SDK1: variants seen among roughly 807,000 people sequenced by gnomAD.
SDK1 encodes the protein protein sidekick-1.
In SDK1, 157 loss-of-function variants were observed where a neutral mutation model predicts 245.5. The ratio of observed to expected loss-of-function variants is 0.64; its 90% CI spans 0.56 to 0.73. SDK1 has a LOEUF of 0.73. Among genes scored for constraint, SDK1 ranks in the 30% least tolerant of loss-of-function variants. The probability of loss-of-function intolerance (pLI) is 0.00; values close to 1 mark genes in which losing one functional copy is unlikely to be tolerated. For synonymous variants in SDK1, 1,647 were observed against 1,278.5 expected, an observed-to-expected ratio of 1.29 and a Z score of -6.15; for missense variants, 3,583 against 3,002.3, an observed-to-expected ratio of 1.19 and a Z score of -4.52.
At position 3,710,814 on chromosome 7, in the gene SDK1, A is replaced by G. The variant is rs567535392; in HGVS notation, c.713+68709A>G. Among the ~76,000 whole-genome samples the G allele has an allele frequency of 2.6e-5, 4 of 152,338 alleles. No homozygotes were observed. The South Asian group carries it at 8.3e-4, about 32-fold the overall frequency. Reference sequence around the variant, plus strand: ...ATTCCTTCAGGATGTTTGCTTTGGCATTTGATTGTTCCTATCTTCAGATTA... The same window carrying G: ...ATTCCTTCAGGATGTTTGCTTTGGCGTTTGATTGTTCCTATCTTCAGATTA... On this transcript the variant is annotated intron_variant, in intron 4 of 44. Transcript: ENST00000404826.
intron 4 of SDK1, among the ~76,000 whole-genome samples, chr7:3,695,795 C>G (rs1389104544): frequency 2.6e-5 from 4 of 152,130 alleles, no homozygotes; most frequent in Non-Finnish European, 4.4e-5. Context: ...CTAGACGTAG[C>G]CTGTATGTGC....
At chr7:3,695,246 C>G (rs1380112131) in intron 4 of SDK1, among the ~76,000 whole-genome samples, 2 of 152,180 alleles carry the variant, frequency 1.3e-5, no homozygotes, top group Admixed American at 6.5e-5. Flanking sequence ...AATTTGCATC[C>G]TAAACACTTG....
chr7:3,749,669 C>T (rs901337134), intron 4 of SDK1, among the ~76,000 whole-genome samples: 1 of 152,174 alleles, frequency 6.6e-6, no homozygotes, highest in Non-Finnish European at 1.5e-5. Context: ...GTGACTGCTG[C>T]CCTTCAGCCT....
chr7:3,451,008 C>G (rs577600670), intron 1 of SDK1, among the ~76,000 whole-genome samples: 2 of 152,226 alleles, frequency 1.3e-5, no homozygotes, highest in Admixed American at 6.5e-5. Context: ...AGCTCATCCT[C>G]AAACCTGTCT....
chr7:3,503,224 A>T (rs1402660736), intron 1 of SDK1, among the ~76,000 whole-genome samples: 1 of 152,218 alleles, frequency 6.6e-6, no homozygotes. Flanking sequence ...GAAGAAGAAG[A>T]AGTAAGAAAT....
chr7:3,844,056 C>A (rs1400928044), intron 5 of SDK1, among the ~76,000 whole-genome samples: 1 of 152,128 alleles, frequency 6.6e-6, no homozygotes, highest in African/African-American at 2.4e-5. Context: ...CTGCAACCTC[C>A]ACCTCCCGGG....
At chr7:3,357,053 GAA>G (rs35467524) in intron 1 of SDK1, among the ~76,000 whole-genome samples, 34,210 of 79,774 alleles carry the variant, frequency 0.43, 4,749 homozygotes, top group Middle Eastern at 0.46. Flanking sequence ...AGACTCTCTC[GAA>G]AAAAAAAAAA....
At chr7:4,245,845 C>T (rs555002439) in intron 44 of SDK1, 40 bp downstream of exon 44, 14 of 1,610,882 alleles carry the variant, frequency 8.7e-6, no homozygotes, top group Admixed American at 6.7e-5. Flanking sequence ...GACCATCAGC[C>T]CCTACTTCTG....
chr7:3,922,949 C>T (rs1779644476), intron 5 of SDK1, among the ~76,000 whole-genome samples: 6 of 152,198 alleles, frequency 3.9e-5, no homozygotes. Flanking sequence ...TCATAGCTAA[C>T]TTAATCTATT....
chr7:3,310,159 C>A (rs1307285566), intron 1 of SDK1, among the ~76,000 whole-genome samples: 1 of 152,164 alleles, frequency 6.6e-6, no homozygotes, highest in African/African-American at 2.4e-5. Context: ...AAATTGCTTT[C>A]TTTTTGTGGC....
chr7:3,939,170 AT>A (rs1780267913), intron 5 of SDK1, among the ~76,000 whole-genome samples: 1 of 152,164 alleles, frequency 6.6e-6, no homozygotes, highest in Non-Finnish European at 1.5e-5. Flanking sequence ...TCTCCAGGGA[AT>A]TTTTTGGGAT....
intron 4 of SDK1, among the ~76,000 whole-genome samples, chr7:3,741,323 A>G (rs1423764213): frequency 6.6e-6 from 1 of 152,162 alleles, no homozygotes; most frequent in African/African-American, 2.4e-5. Flanking sequence ...CTAAGCAGGA[A>G]TCCCCAGCCC....
intron 5 of SDK1, among the ~76,000 whole-genome samples, chr7:3,870,019 A>G (rs1780918894): frequency 6.6e-6 from 1 of 152,220 alleles, no homozygotes; most frequent in South Asian, 2.1e-4. Context: ...GCAGTGCAAA[A>G]GGTTCTGCAT....
In SDK1 at chr7:3,745,709, C is replaced by T. The variant is rs186522658; in HGVS notation, c.714-75741C>T. Reference sequence around the variant, plus strand: ...TGCACCCCCTCCCACCTCATTGCCCCTGCCGTTTAACATTGTTTTCAAATG... The same window carrying T: ...TGCACCCCCTCCCACCTCATTGCCCTTGCCGTTTAACATTGTTTTCAAATG... On this transcript the variant is annotated intron_variant, in intron 4 of 44. Coordinates refer to ENST00000404826, the MANE Select transcript of SDK1 (RefSeq NM_152744.4). 2.2e-4 allele frequency among the ~76,000 whole-genome samples: 33 copies of T among 152,226 alleles called. No homozygotes were observed. In the East Asian group the frequency reaches 6.2e-3, roughly 28 times the overall value.
At chr7:3,376,911 C>T (rs1008659835) in intron 1 of SDK1, among the ~76,000 whole-genome samples, 5 of 151,960 alleles carry the variant, frequency 3.3e-5, no homozygotes, top group Non-Finnish European at 7.4e-5. Flanking sequence ...CTTGGACTTT[C>T]CTGGATCTGT....
At chr7:3,896,109 T>TC (rs1317564776) in intron 5 of SDK1, among the ~76,000 whole-genome samples, 2 of 152,348 alleles carry the variant, frequency 1.3e-5, no homozygotes, top group South Asian at 2.1e-4. Context: ...ATAGTCCCGT[T>TC]CAAGTCTTCT....
At chr7:3,852,379 C>T (rs1301632834) in intron 5 of SDK1, among the ~76,000 whole-genome samples, 1 of 151,930 alleles carries the variant, frequency 6.6e-6, no homozygotes, top group Non-Finnish European at 1.5e-5. Flanking sequence ...TAGCCATCAC[C>T]ACTGCCAACA....
chr7:3,831,903 G>A (rs1317884276), intron 5 of SDK1, among the ~76,000 whole-genome samples: 1 of 151,604 alleles, frequency 6.6e-6, no homozygotes, highest in Non-Finnish European at 1.5e-5. Flanking sequence ...CAAAAAAAAC[G>A]TGCCAGGTGT....
intron 4 of SDK1, among the ~76,000 whole-genome samples, chr7:3,670,309 A>G (rs1371610172): frequency 6.6e-6 from 1 of 151,746 alleles, no homozygotes; most frequent in Non-Finnish European, 1.5e-5. Flanking sequence ...ATCTACCTAA[A>G]TTTTTTCTTC....
Sources: allele counts gnomAD v4.1 joint callset (sites outside exome capture counted in the v4.1 genomes callset), GRCh38; gene constraint gnomAD v4.1.1; transcripts MANE v1.5; gene names NCBI Gene and HGNC (gene_info 2026-07-23, HGNC 2026-07-21).